Variants in RREB1 observed in about 807,000 individuals in gnomAD.
The protein encoded by RREB1 is ras-responsive element-binding protein 1.
Under a neutral mutation model 117.8 loss-of-function variants are expected in RREB1, and 27 were observed. The ratio of observed to expected loss-of-function variants is 0.23; its 90% confidence interval spans 0.17 to 0.32. RREB1 has a LOEUF of 0.32. Among genes scored for constraint, RREB1 ranks in the 10% least tolerant of loss-of-function variants. The pLI is 1.00. For synonymous variants in RREB1, 1,298 were observed against 1,026.7 expected, an observed-to-expected ratio of 1.26 and a Z score of -5.05; for missense variants, 2,577 against 2,378.2, an observed-to-expected ratio of 1.08 and a Z score of -1.74.
intron 1 of RREB1, among the ~76,000 whole-genome samples, chr6:7,145,693 A>AG (rs890791187): frequency 2.6e-5 from 4 of 151,426 alleles, no homozygotes; most frequent in Non-Finnish European, 5.9e-5. Context: ...GGAGATGGAG[A>AG]GGGCCTGTGA....
At chr6:7,151,841 G>T (rs1323415325) in intron 1 of RREB1, among the ~76,000 whole-genome samples, 1 of 152,206 alleles carries the variant, frequency 6.6e-6, no homozygotes, top group East Asian at 1.9e-4. Flanking sequence ...GGACATTTTG[G>T]CTGTATAAAG....
intron 6 of RREB1, among the ~76,000 whole-genome samples, chr6:7,200,280 G>A (rs13209252): frequency 0.28 from 25,915 of 92,256 alleles, 3,080 homozygotes; most frequent in Non-Finnish European, 0.31. Flanking sequence ...GTGTGTGTGT[G>A]TATTTTTTTT....
At chr6:7,236,786 A>G (rs1768350441) in intron 10 of RREB1, among the ~76,000 whole-genome samples, 1 of 142,928 alleles carries the variant, frequency 7.0e-6, no homozygotes, top group Non-Finnish European at 1.5e-5. Flanking sequence ...TCATCAAACT[A>G]TTCTCACTGT....
At position 7,170,960 on chromosome 6, in the gene RREB1, G is replaced by A. The variant is rs569198639; in HGVS notation, c.-284-5695G>A. On this transcript the variant is annotated intron_variant, in intron 1 of 12. Transcript: ENST00000379938. ...CCCCCAGAGGGTTTCTGACTCGGTA[G>A]GTCTGGGGTGGGACTGAGAATTTGC... Among the ~76,000 whole-genome samples, 3 of 152,300 alleles carry A rather than the reference G, an allele frequency of 2.0e-5. No individual in the cohort carries two copies. The South Asian group carries it at 6.2e-4, about 32-fold the overall frequency.
At chr6:7,181,561 G>A in intron 3 of RREB1, 1 of 539,152 alleles carries the variant, frequency 1.9e-6, no homozygotes, top group Non-Finnish European at 3.2e-6. Flanking sequence ...TGTCATTGTT[G>A]GCTTGGCCTT....
At chr6:7,116,903 G>A (rs1171709570) in intron 1 of RREB1, among the ~76,000 whole-genome samples, 5 of 152,190 alleles carry the variant, frequency 3.3e-5, no homozygotes, top group African/African-American at 1.2e-4. Flanking sequence ...TTAAATAGGA[G>A]AGATGGGCAC....
chr6:7,143,236 C>G (rs965374249), intron 1 of RREB1, among the ~76,000 whole-genome samples: 71 of 152,356 alleles, frequency 4.7e-4, no homozygotes, highest in African/African-American at 1.6e-3. Context: ...GCCTTCAGCA[C>G]TGGCAGGTGT....
At chr6:7,184,956 T>G (rs1765004412) in intron 4 of RREB1, 1 of 152,202 alleles carries the variant, frequency 6.6e-6, no homozygotes, top group Non-Finnish European at 1.5e-5. Context: ...CCCCAACTTT[T>G]GGCCTGGCTG....
intron 8 of RREB1, chr6:7,216,974 G>C (rs1414935163): frequency 6.6e-6 from 1 of 152,326 alleles, no homozygotes; most frequent in South Asian, 2.1e-4. Flanking sequence ...AGTGCTTCAC[G>C]CCACGCTGGT....
At chr6:7,242,786 A>G (rs1359253930) in intron 11 of RREB1, among the ~76,000 whole-genome samples, 1 of 151,612 alleles carries the variant, frequency 6.6e-6, no homozygotes, top group African/African-American at 2.4e-5. Flanking sequence ...TAAAATTCCT[A>G]CACATGTTTT....
chr6:7,234,016 A>G (rs562440723), intron 10 of RREB1, among the ~76,000 whole-genome samples: 23 of 151,562 alleles, frequency 1.5e-4, no homozygotes, highest in Admixed American at 1.4e-3. Context: ...GAATCCAGGG[A>G]TTGAGGAGTA....
At chr6:7,146,697 A>G (rs1209970166) in intron 1 of RREB1, among the ~76,000 whole-genome samples, 1 of 151,566 alleles carries the variant, frequency 6.6e-6, no homozygotes. Flanking sequence ...CTCATAGTGC[A>G]CACATCCTTT....
intron 1 of RREB1, among the ~76,000 whole-genome samples, chr6:7,127,054 A>G (rs541019272): frequency 6.6e-6 from 1 of 152,346 alleles, no homozygotes; most frequent in African/African-American, 2.4e-5. Flanking sequence ...GCCCTGGAGT[A>G]TGAAAATATG....
intron 1 of RREB1, among the ~76,000 whole-genome samples, chr6:7,173,448 G>GC (rs1251852516): frequency 6.6e-6 from 1 of 151,352 alleles, no homozygotes; most frequent in African/African-American, 2.4e-5. Context: ...AGCCAAGATC[G>GC]CGTCACTGCA....
chr6:7,237,898 T>C (rs1048973957), intron 10 of RREB1, among the ~76,000 whole-genome samples: 8 of 152,342 alleles, frequency 5.3e-5, no homozygotes, highest in South Asian at 2.1e-4. Flanking sequence ...ACATCATGGA[T>C]TGTTTTCTGA....
intron 1 of RREB1, among the ~76,000 whole-genome samples, chr6:7,115,050 A>G (rs1351503757): frequency 6.8e-6 from 1 of 148,126 alleles, no homozygotes; most frequent in Non-Finnish European, 1.5e-5. Flanking sequence ...ATGTTTTTGC[A>G]TTCGTAGTCT....
chr6:7,122,890 T>G (rs563087302), intron 1 of RREB1, among the ~76,000 whole-genome samples: 1 of 152,314 alleles, frequency 6.6e-6, no homozygotes, highest in South Asian at 2.1e-4. Context: ...GAAACCAGTT[T>G]CTGCTGACAA....
chr6:7,235,044 T>C (rs1768235589), intron 10 of RREB1, among the ~76,000 whole-genome samples: 1 of 152,232 alleles, frequency 6.6e-6, no homozygotes, highest in African/African-American at 2.4e-5. Context: ...ATTTCAGACT[T>C]AATGACTACA....
At chr6:7,191,597 A>C (rs548935299) in intron 6 of RREB1, among the ~76,000 whole-genome samples, 1 of 152,276 alleles carries the variant, frequency 6.6e-6, no homozygotes, top group South Asian at 2.1e-4. Context: ...TACTAACTCG[A>C]TCTATGAACA....
Sources: gnomAD v4.1 joint callset for allele counts (sites outside exome capture counted in the v4.1 genomes callset) on GRCh38, gnomAD v4.1.1 for gene constraint, MANE v1.5 for transcripts, NCBI Gene and HGNC (gene_info 2026-07-23, HGNC 2026-07-21) for gene names.